Variants in ADAMTSL1 observed in about 807,000 individuals in gnomAD.
The protein encoded by ADAMTSL1 is ADAMTS like 1, also known as ADAMTS-like protein 1.
Under a neutral mutation model 201.8 loss-of-function variants are expected in ADAMTSL1, and 126 were observed. That is an observed-to-expected ratio of 0.62 (90% CI 0.54 to 0.72). The LOEUF is 0.72. Ranked by LOEUF, ADAMTSL1 falls within the 30% of genes least tolerant of loss-of-function variation. The probability of loss-of-function intolerance (pLI) is 0.00; values close to 1 mark genes in which losing one functional copy is unlikely to be tolerated. For synonymous variants in ADAMTSL1, 1,121 were observed against 903.4 expected, an observed-to-expected ratio of 1.24 and a Z score of -4.32; for missense variants, 2,679 against 2,277.8, an observed-to-expected ratio of 1.18 and a Z score of -3.59.
At chr9:18,663,726 A>G (rs924565506) in intron 9 of ADAMTSL1, among the ~76,000 whole-genome samples, 1 of 152,124 alleles carries the variant, frequency 6.6e-6, no homozygotes, top group African/African-American at 2.4e-5. Context: ...ACAAAGAAAA[A>G]AAATGTCAAT....
At position 18,045,157 on chromosome 9, in the gene ADAMTSL1, C is replaced by T. The variant is rs139055483; in HGVS notation, c.88-118705C>T. Among the ~76,000 whole-genome samples, 1,226 of 152,166 alleles carry T rather than the reference C, an allele frequency of 8.1e-3. 8 individuals carry two copies. Among genetic ancestry groups the T allele is most frequent in the Middle Eastern group, 0.014 (4 of 294 alleles). On this transcript the variant is annotated intron_variant, in intron 1 of 29. Transcript: ENST00000680146. ...GGAGGTTCTATTAGAAGGACACTAACGTATATGAGTCTTTATTTGCTTTGA... is the reference window on the plus strand; with the variant it reads ...GGAGGTTCTATTAGAAGGACACTAATGTATATGAGTCTTTATTTGCTTTGA...
chr9:18,045,708 G>C (rs1315635512), intron 1 of ADAMTSL1, among the ~76,000 whole-genome samples: 1 of 151,656 alleles, frequency 6.6e-6, no homozygotes, highest in African/African-American at 2.4e-5. Context: ...CATTTCCATG[G>C]ATCAGGCTAT....
chr9:18,365,553 T>C (rs972007276), intron 2 of ADAMTSL1, among the ~76,000 whole-genome samples: 7 of 152,104 alleles, frequency 4.6e-5, no homozygotes, highest in African/African-American at 1.7e-4. Flanking sequence ...TTTGGATATA[T>C]GGCAATTCCA....
At chr9:17,930,505 G>A (rs1427242143) in intron 1 of ADAMTSL1, among the ~76,000 whole-genome samples, 1 of 152,110 alleles carries the variant, frequency 6.6e-6, no homozygotes, top group Non-Finnish European at 1.5e-5. Flanking sequence ...AGGGAGGCTG[G>A]GAGGATAGCT....
At chr9:18,704,209 T>C (rs1832100436) in intron 13 of ADAMTSL1, among the ~76,000 whole-genome samples, 1 of 152,172 alleles carries the variant, frequency 6.6e-6, no homozygotes, top group Admixed American at 6.6e-5. Context: ...ACTAATTTGT[T>C]TACATATTTC....
intron 4 of ADAMTSL1, among the ~76,000 whole-genome samples, chr9:18,582,790 AG>A (rs1424288896): frequency 5.3e-5 from 8 of 152,056 alleles, no homozygotes; most frequent in African/African-American, 1.4e-4. Flanking sequence ...CGGAGGTTGC[AG>A]TGAGCCAAGA....
chr9:18,105,472 T>C (rs570351696), intron 1 of ADAMTSL1, among the ~76,000 whole-genome samples: 1 of 152,312 alleles, frequency 6.6e-6, no homozygotes, highest in African/African-American at 2.4e-5. Context: ...TGAAATCACC[T>C]TATTTTGATG....
intron 2 of ADAMTSL1, among the ~76,000 whole-genome samples, chr9:18,507,419 AG>A (rs1359030673): frequency 6.6e-6 from 1 of 152,236 alleles, no homozygotes; most frequent in Non-Finnish European, 1.5e-5. Context: ...ACAGTGACTA[AG>A]TAAATACCTT....
intron 19 of ADAMTSL1, among the ~76,000 whole-genome samples, chr9:18,782,242 G>A (rs1382919800): frequency 6.6e-6 from 1 of 152,140 alleles, no homozygotes; most frequent in East Asian, 1.9e-4. Context: ...CTAAGAAAGA[G>A]GTATGCATAT....
intron 1 of ADAMTSL1, among the ~76,000 whole-genome samples, chr9:17,947,625 G>A (rs1417970039): frequency 6.6e-6 from 1 of 152,058 alleles, no homozygotes; most frequent in Non-Finnish European, 1.5e-5. Flanking sequence ...ATTTCCCAAA[G>A]CTTTAGTCTA....
intron 1 of ADAMTSL1, among the ~76,000 whole-genome samples, chr9:17,970,049 C>A (rs1392590048): frequency 1.3e-5 from 2 of 152,162 alleles, no homozygotes; most frequent in Admixed American, 6.6e-5. Flanking sequence ...CGTGGCTAAT[C>A]TTCAAGTAGT....
intron 26 of ADAMTSL1, among the ~76,000 whole-genome samples, chr9:18,901,721 A>C (rs919827901): frequency 1.3e-5 from 2 of 152,204 alleles, no homozygotes; most frequent in African/African-American, 4.8e-5. Flanking sequence ...CTAATCACAA[A>C]AGACAACATA....
intron 2 of ADAMTSL1, among the ~76,000 whole-genome samples, chr9:18,227,351 G>C (rs1328119043): frequency 2.0e-5 from 3 of 152,162 alleles, no homozygotes; most frequent in Non-Finnish European, 4.4e-5. Context: ...ATCTTAGTGG[G>C]AGTGGGAAGA....
At chr9:18,296,750 G>T (rs1833492869) in intron 2 of ADAMTSL1, among the ~76,000 whole-genome samples, 2 of 152,182 alleles carry the variant, frequency 1.3e-5, no homozygotes, top group Non-Finnish European at 2.9e-5. Context: ...ACAGAGCCAG[G>T]ATTGAGCATT....
intron 1 of ADAMTSL1, among the ~76,000 whole-genome samples, chr9:17,953,496 C>T (rs1767984439): frequency 6.6e-6 from 1 of 152,154 alleles, no homozygotes; most frequent in Admixed American, 6.5e-5. Context: ...TATGTGTTCA[C>T]AAAGACTTAC....
chr9:18,533,052 T>C (rs1209239233), intron 2 of ADAMTSL1, among the ~76,000 whole-genome samples, 195 bp from the exon 3 acceptor site: 3 of 152,064 alleles, frequency 2.0e-5, no homozygotes, highest in Admixed American at 6.6e-5. Context: ...TCAACCCTTA[T>C]AGAGAAATCA....
At chr9:18,632,930 T>G (rs1826869429) in intron 5 of ADAMTSL1, among the ~76,000 whole-genome samples, 1 of 152,132 alleles carries the variant, frequency 6.6e-6, no homozygotes, top group Non-Finnish European at 1.5e-5. Flanking sequence ...CCTCAACAAC[T>G]TTCTAGGAGG....
intron 1 of ADAMTSL1, among the ~76,000 whole-genome samples, chr9:18,001,525 G>T (rs1371404990): frequency 2.0e-5 from 3 of 152,022 alleles, no homozygotes; most frequent in Admixed American, 6.6e-5. Flanking sequence ...ACATGGAGAA[G>T]GTGCATCTAA....
intron 22 of ADAMTSL1, 114 bp from the exon 23 acceptor site, chr9:18,829,729 G>C (rs1159386550): frequency 1.0e-5 from 14 of 1,371,804 alleles, no homozygotes; most frequent in Non-Finnish European, 1.4e-5. Flanking sequence ...CAATAGTAAT[G>C]CCTATCTTAC....
Sources: allele counts gnomAD v4.1 joint callset (sites outside exome capture counted in the v4.1 genomes callset), GRCh38; gene constraint gnomAD v4.1.1; transcripts MANE v1.5; gene names NCBI Gene and HGNC (gene_info 2026-07-23, HGNC 2026-07-21).